Variants in BANF2 observed in about 807,000 individuals in gnomAD.
The protein encoded by BANF2 is BANF family member 2.
In BANF2, 4 loss-of-function variants were observed where a neutral mutation model predicts 8.0. That is an observed-to-expected ratio of 0.50 (90% confidence interval 0.25 to 1.14). The LOEUF is 1.14. Among genes scored for constraint, BANF2 ranks in the 50% most tolerant of loss-of-function variants. The probability of loss-of-function intolerance (pLI) is 0.16; values close to 1 mark genes in which losing one functional copy is unlikely to be tolerated. For missense variants in BANF2, 96 were observed against 107.5 expected (o/e 0.89, Z 0.47); for synonymous variants, 50 against 40.6 (o/e 1.23, Z -0.88).
chr20:17,734,007 G>C (rs1016499319), intron 3 of BANF2, among the ~76,000 whole-genome samples: 3 of 152,188 alleles, frequency 2.0e-5, no homozygotes, highest in African/African-American at 7.2e-5. Flanking sequence ...GTTGGTTCCA[G>C]GCTGGAGAGC....
At chr20:17,699,547 G>C (rs1262592714), upstream of BANF2, among the ~76,000 whole-genome samples, 3 of 152,190 alleles carry the variant, frequency 2.0e-5, no homozygotes, top group Admixed American at 2.0e-4. Flanking sequence ...AGAAGAAAAA[G>C]CTGCCCTGGA....
chr20:17,701,464 T>C lies in BANF2; in HGVS notation c.-167+1409T>C, dbSNP rs138822043. Among the ~76,000 whole-genome samples, 3 of 152,284 alleles carry C rather than the reference T, an allele frequency of 2.0e-5. No individual in the cohort carries two copies. In the East Asian group the frequency reaches 5.8e-4, roughly 29 times the overall value. On this transcript the variant is annotated intron_variant, in intron 1 of 3. Coordinates refer to ENST00000246090, the MANE Select transcript of BANF2 (RefSeq NM_178477.5). ...GAGCATGCCTTCACTCTCTATCGACTATCCCCAACATTAGAGCTCTCTGAA... is the reference window on the plus strand; with the variant it reads ...GAGCATGCCTTCACTCTCTATCGACCATCCCCAACATTAGAGCTCTCTGAA...
chr20:17,701,381 CAT>C (rs533693456), intron 1 of BANF2, among the ~76,000 whole-genome samples: 257 of 152,318 alleles, frequency 1.7e-3, no homozygotes, highest in Admixed American at 4.2e-3. Flanking sequence ...ATTCTACAGA[CAT>C]AGAAACTGAA....
intron 3 of BANF2, among the ~76,000 whole-genome samples, chr20:17,727,329 C>T (rs2037822271): frequency 6.6e-6 from 1 of 152,188 alleles, no homozygotes; most frequent in South Asian, 2.1e-4. Flanking sequence ...GAGCCGCCCA[C>T]ACCCGTGATT....
intron 1 of BANF2, among the ~76,000 whole-genome samples, chr20:17,701,408 G>T (rs2037406831): frequency 6.6e-6 from 1 of 152,184 alleles, no homozygotes; most frequent in Non-Finnish European, 1.5e-5. Context: ...GTTCTGTGCT[G>T]GTGCCACGTC....
At chr20:17,697,668 G>C (rs2037357397), upstream of BANF2, among the ~76,000 whole-genome samples, 1 of 152,214 alleles carries the variant, frequency 6.6e-6, no homozygotes, top group South Asian at 2.1e-4. Context: ...ATAGGTAGGG[G>C]AGCGGGGAAG....
At chr20:17,700,388 C>T (rs1410065093) in intron 1 of BANF2, among the ~76,000 whole-genome samples, 1 of 152,184 alleles carries the variant, frequency 6.6e-6, no homozygotes, top group Non-Finnish European at 1.5e-5. Flanking sequence ...GGCAAATTCA[C>T]TAGAGCATCA....
upstream of BANF2, among the ~76,000 whole-genome samples, chr20:17,697,515 T>C (rs1401398194): frequency 1.3e-5 from 2 of 152,260 alleles, no homozygotes; most frequent in Non-Finnish European, 2.9e-5. Flanking sequence ...CCAATTTATA[T>C]AGTTTCTCCA....
intron 1 of BANF2, among the ~76,000 whole-genome samples, chr20:17,720,531 A>T (rs1361603679): frequency 1.3e-5 from 2 of 152,206 alleles, no homozygotes; most frequent in Admixed American, 1.3e-4. Context: ...TTCTTTTTAG[A>T]TTCTCTGCAG....
At chr20:17,718,620 C>G (rs73266619) in intron 1 of BANF2, among the ~76,000 whole-genome samples, 2 of 152,176 alleles carry the variant, frequency 1.3e-5, no homozygotes, top group Non-Finnish European at 2.9e-5. Context: ...GGAGCAGTTC[C>G]CCATCCTCAC....
intron 3 of BANF2, among the ~76,000 whole-genome samples, chr20:17,725,525 G>T (rs1600226376): frequency 1.3e-5 from 2 of 152,234 alleles, no homozygotes; most frequent in East Asian, 3.9e-4. Flanking sequence ...CATCTCGCTT[G>T]CCCCTGCCAG....
chr20:17,700,322 C>G, intron 1 of BANF2, among the ~76,000 whole-genome samples: 1 of 151,656 alleles, frequency 6.6e-6, no homozygotes, highest in East Asian at 1.9e-4. Context: ...TGCACCAGCT[C>G]CCTGGGCAAA....
At chr20:17,724,031 A>G (rs2067307951) in intron 2 of BANF2, among the ~76,000 whole-genome samples, 1 of 152,084 alleles carries the variant, frequency 6.6e-6, no homozygotes, top group Non-Finnish European at 1.5e-5. Flanking sequence ...GAAGATGGCA[A>G]CCCTCATTTA....
chr20:17,710,181 C>T (rs926632681), intron 1 of BANF2, among the ~76,000 whole-genome samples: 2 of 152,204 alleles, frequency 1.3e-5, no homozygotes, highest in Non-Finnish European at 2.9e-5. Flanking sequence ...CGTCCCCAGC[C>T]CTGTCCACTT....
upstream of BANF2, among the ~76,000 whole-genome samples, chr20:17,697,555 T>C (rs2037356344): frequency 6.6e-6 from 1 of 152,210 alleles, no homozygotes; most frequent in Non-Finnish European, 1.5e-5. Flanking sequence ...AGAACAGACA[T>C]CATTTCTTAT....
rs2037697804 is a variant in BANF2 at position 17,719,343 on chromosome 20, G to A, written c.-166-3373G>A. ...GACGGGGTTTCACCATGTTGGCCAG[G>A]CTGATCTCGAACTCCTGACTTCAGG... On this transcript the variant is annotated intron_variant, in intron 1 of 3. Transcript: ENST00000246090. Among the ~76,000 whole-genome samples the A allele has an allele frequency of 2.0e-5, 3 of 152,144 alleles. No individual in the cohort carries two copies. In the East Asian group the frequency reaches 5.8e-4, roughly 30 times the overall value.
At chr20:17,713,273 G>A (rs1283222387) in intron 1 of BANF2, among the ~76,000 whole-genome samples, 1 of 151,862 alleles carries the variant, frequency 6.6e-6, no homozygotes, top group African/African-American at 2.4e-5. Flanking sequence ...GAGAGAGAGA[G>A]AGAGAGAGAT....
rs557164311 is a variant in BANF2, at chr20:17,722,722, C to A, written c.-160C>A. 1 of 984,394 alleles carries A rather than the reference C, an allele frequency of 1.0e-6. No individual in the cohort carries two copies. Among genetic ancestry groups the A allele is most frequent in the Admixed American group, 6.1e-5 (1 of 16,292 alleles). The allele number at this position is 984,394 out of a possible 1,614,324, so 61.0% of individuals were successfully genotyped here. The stretch of plus-strand genomic sequence containing the variant: ...CTTTTGCTCCCCTTCCTAGAATCTG[C>A]TGACACATCAAGGCCACTTTTCTTA... On this transcript the variant is annotated 5_prime_UTR_variant, in exon 2 of 4. The change creates a new upstream start codon in the 5' untranslated region. Transcript: ENST00000246090.
intron 1 of BANF2, among the ~76,000 whole-genome samples, chr20:17,718,921 A>G (rs2037691339): frequency 6.6e-6 from 1 of 152,210 alleles, no homozygotes; most frequent in Non-Finnish European, 1.5e-5. Flanking sequence ...CCTGTAATAC[A>G]AGAACTTTTA....
Sources: allele counts gnomAD v4.1 joint callset (sites outside exome capture counted in the v4.1 genomes callset), GRCh38; gene constraint gnomAD v4.1.1; transcripts MANE v1.5; gene names NCBI Gene and HGNC (gene_info 2026-07-23, HGNC 2026-07-21).